Variants in GPATCH1 observed in about 807,000 individuals in gnomAD.
The protein encoded by GPATCH1 is G-patch domain containing 1, also known as G patch domain-containing protein 1.
A neutral mutation model predicts 114.9 loss-of-function variants in GPATCH1; 73 were observed. That is an observed-to-expected ratio of 0.64 (90% CI 0.53 to 0.77). GPATCH1 has a LOEUF of 0.77. GPATCH1 is among the 30% of genes least tolerant of loss of function. GPATCH1 has a pLI of 0.00. For synonymous variants in GPATCH1, 391 were observed against 428.4 expected (o/e 0.91, Z 1.08); for missense variants, 1,058 against 1,144.3 (o/e 0.92, Z 1.09).
At position 33,112,544 on chromosome 19, in the gene GPATCH1, G is replaced by A. The variant is rs1421760447; in HGVS notation, c.1823G>A (p.Arg608Gln). 12 of 1,613,922 alleles carry A rather than the reference G, an allele frequency of 7.4e-6. No individual in the cohort carries two copies. In the East Asian group the frequency reaches 1.1e-4, roughly 15 times the overall value. The change falls in exon 13 of 20, where the codon CGA (arginine) becomes CAA (glutamine). Residue 608 changes from arginine (R) to glutamine (Q), a missense_variant. By Grantham distance (43) the Arg-to-Gln change is conservative. Transcript: ENST00000170564. ...ATGAAGATGTTTGGGAAGCTCACCC[G>A]AGACACGTTTGAGTGGCACCCTGAC... is the stretch of plus-strand genomic sequence containing the variant. ...VKMKMFGKLT[R>Q]DTFEWHPDKL... is the part of the protein sequence containing the mutation.
At chr19:33,108,042 C>T (rs192909024) in intron 10 of GPATCH1, among the ~76,000 whole-genome samples, 2 of 152,110 alleles carry the variant, frequency 1.3e-5, no homozygotes, top group Non-Finnish European at 2.9e-5. Flanking sequence ...CTTTTCGGTC[C>T]TCCCGCACCC....
chr19:33,125,341 A>G (rs1438140677), intron 18 of GPATCH1, 139 bp downstream of exon 18: 6 of 933,716 alleles, frequency 6.4e-6, no homozygotes, highest in Non-Finnish European at 9.4e-6. Context: ...AGAAATGTTG[A>G]CATTCAATTC....
At chr19:33,097,106 G>A (rs1483236527) in intron 7 of GPATCH1, among the ~76,000 whole-genome samples, 8 of 149,966 alleles carry the variant, frequency 5.3e-5, no homozygotes, top group Admixed American at 1.3e-4. Flanking sequence ...CCACCACCCC[G>A]GCTAATTTTG....
chr19:33,095,821 G>C lies in GPATCH1; in HGVS notation c.612+1G>C. On this transcript the variant is annotated splice_donor_variant, in intron 6 of 19. Transcript: ENST00000170564. LOFTEE classifies it high-confidence loss of function. ...CCCTGGAAGCTCGGAAGGATCTGAGGTATTGCATGGTGTGACTGACCTTCA... is the reference window on the plus strand; with the variant it reads ...CCCTGGAAGCTCGGAAGGATCTGAGCTATTGCATGGTGTGACTGACCTTCA... The C allele has an allele frequency of 6.3e-7, 1 of 1,598,544 alleles. No individual in the cohort carries two copies. Among genetic ancestry groups the C allele is most frequent in the Non-Finnish European group, 8.6e-7 (1 of 1,166,244 alleles).
intron 17 of GPATCH1, among the ~76,000 whole-genome samples, chr19:33,119,995 A>G (rs1972959649): frequency 7.0e-6 from 1 of 142,830 alleles, no homozygotes; most frequent in Non-Finnish European, 1.5e-5. Context: ...ATATATTTAT[A>G]TATTATATTT....
At chr19:33,121,383 A>G (rs1466581783) in intron 17 of GPATCH1, among the ~76,000 whole-genome samples, 7 of 145,142 alleles carry the variant, frequency 4.8e-5, no homozygotes, top group Admixed American at 1.4e-4. Flanking sequence ...GCAATGGCGC[A>G]ATCTCGGCTC....
chr19:33,087,622 C>T (rs990550953), intron 1 of GPATCH1, among the ~76,000 whole-genome samples: 7 of 151,866 alleles, frequency 4.6e-5, no homozygotes, highest in Middle Eastern at 3.4e-3. Context: ...CCAGCTTCTG[C>T]GCCCTTCATT....
At chr19:33,120,664 C>T (rs1044487559) in intron 17 of GPATCH1, among the ~76,000 whole-genome samples, 2 of 151,672 alleles carry the variant, frequency 1.3e-5, no homozygotes, top group African/African-American at 2.4e-5. Flanking sequence ...GAGACAAGCC[C>T]AGCCTGGGTG....
intron 8 of GPATCH1, among the ~76,000 whole-genome samples, chr19:33,100,652 G>C (rs1181642832): frequency 1.3e-5 from 2 of 151,774 alleles, no homozygotes; most frequent in African/African-American, 4.8e-5. Flanking sequence ...TTGTGGGGAG[G>C]GGAGAGATGT....
At chr19:33,082,609 T>G (rs1018446932) in intron 1 of GPATCH1, among the ~76,000 whole-genome samples, 1 of 151,792 alleles carries the variant, frequency 6.6e-6, no homozygotes, top group Admixed American at 6.6e-5. Flanking sequence ...TCTGGGAGGC[T>G]GAGGTGGGAG....
intron 19 of GPATCH1, among the ~76,000 whole-genome samples, chr19:33,128,693 C>T (rs1568353089): frequency 7.1e-6 from 1 of 141,278 alleles, no homozygotes; most frequent in Non-Finnish European, 1.5e-5. Flanking sequence ...CCAGTTTTAT[C>T]TTTATTGGGA....
Position 33,093,380 on chromosome 19 carries a change from G to A in GPATCH1, c.316G>A (p.Ala106Thr), listed in dbSNP as rs1200602644. Residue 106 changes from alanine (A) to threonine (T), a missense_variant, in exon 4 of 20, where the codon GCA becomes ACA. Transcript: ENST00000170564. ...GAAGGATCTTAGTGAATTTGGGATAGCACCTAAAGCGATTGTCACCACAGA... is the reference window on the plus strand; with the variant it reads ...GAAGGATCTTAGTGAATTTGGGATAACACCTAAAGCGATTGTCACCACAGA... ...DEEDLSEFGIAPKAIVTTDDF... is the reference protein window; with the variant it reads ...DEEDLSEFGITPKAIVTTDDF... 3.1e-6 allele frequency: 5 copies of A among 1,612,238 alleles called. No homozygotes were observed. Among genetic ancestry groups the A allele is most frequent in the Non-Finnish European group, 4.2e-6 (5 of 1,178,732 alleles).
At chr19:33,085,259 G>A (rs1333244321) in intron 1 of GPATCH1, among the ~76,000 whole-genome samples, 3 of 151,992 alleles carry the variant, frequency 2.0e-5, no homozygotes, top group Admixed American at 6.6e-5. Context: ...TCCCCCAGGC[G>A]GGAGTACAGT....
At chr19:33,121,511 G>A (rs1349040212) in intron 17 of GPATCH1, among the ~76,000 whole-genome samples, 1 of 151,854 alleles carries the variant, frequency 6.6e-6, no homozygotes, top group East Asian at 1.9e-4. Context: ...TAGAGATGGG[G>A]TTTCTCCATA....
chr19:33,084,387 T>C (rs1972512730), intron 1 of GPATCH1, among the ~76,000 whole-genome samples: 2 of 152,158 alleles, frequency 1.3e-5, no homozygotes, highest in South Asian at 4.1e-4. Context: ...TACCTATTCT[T>C]TCCTTAGACA....
chr19:33,092,622 G>A (rs561662583), intron 3 of GPATCH1, among the ~76,000 whole-genome samples: 2 of 152,304 alleles, frequency 1.3e-5, no homozygotes, highest in African/African-American at 2.4e-5. Context: ...AAGAGGAAAC[G>A]TGCCAATGGT....
At chr19:33,111,430 T>TG (rs1255017697) in intron 11 of GPATCH1, among the ~76,000 whole-genome samples, 1 of 150,042 alleles carries the variant, frequency 6.7e-6, no homozygotes, top group Non-Finnish European at 1.5e-5. Context: ...TCACCATGTT[T>TG]GCCAGGCTGG....
chr19:33,120,370 T>G (rs2145337087), intron 17 of GPATCH1, among the ~76,000 whole-genome samples: 1 of 145,298 alleles, frequency 6.9e-6, no homozygotes, highest in African/African-American at 2.5e-5. Context: ...CATTAAAATT[T>G]TATAAAAATA....
At chr19:33,127,858 G>A (rs186460277) in intron 19 of GPATCH1, among the ~76,000 whole-genome samples, 1 of 151,462 alleles carries the variant, frequency 6.6e-6, no homozygotes, top group Admixed American at 6.6e-5. Flanking sequence ...ACAGGCACCC[G>A]CCCCCACACC....
Sources: allele counts gnomAD v4.1 joint callset (sites outside exome capture counted in the v4.1 genomes callset), GRCh38; gene constraint gnomAD v4.1.1; transcripts MANE v1.5; gene names NCBI Gene and HGNC (gene_info 2026-07-23, HGNC 2026-07-21).